NRXN3: variants seen among roughly 807,000 people sequenced by gnomAD.
NRXN3 encodes neurexin III.
NRXN3 carries 32 observed loss-of-function variants against 137.6 expected under a neutral mutation model. That is an observed-to-expected ratio of 0.23 (90% CI 0.18 to 0.31). The LOEUF (loss-of-function observed/expected upper bound fraction) is 0.31, where lower values mean the gene tolerates loss of function less well. NRXN3 is among the 10% of genes least tolerant of loss of function. The pLI, the probability that NRXN3 is intolerant of heterozygous loss-of-function variation, is 1.00. For synonymous variants in NRXN3, 798 were observed against 784.5 expected (o/e 1.02, Z -0.29); for missense variants, 1,574 against 2,062.5 (o/e 0.76, Z 4.59).
chr14:79,841,469 A>T (rs2099355717), intron 20 of NRXN3, among the ~76,000 whole-genome samples: 1 of 152,208 alleles, frequency 6.6e-6, no homozygotes, highest in South Asian at 2.1e-4. Context: ...AAGCAAAATA[A>T]ACCTTTTTGA....
intron 8 of NRXN3, 114 bp downstream of exon 8, chr14:78,715,253 G>A (rs1222164974): frequency 7.4e-7 from 1 of 1,355,216 alleles, no homozygotes; most frequent in Non-Finnish European, 9.9e-7. Context: ...TCTTCCAAGA[G>A]TTTTTGGGTT....
At chr14:78,286,031 C>T (rs1258136225) in intron 3 of NRXN3, among the ~76,000 whole-genome samples, 1 of 152,176 alleles carries the variant, frequency 6.6e-6, no homozygotes, top group Admixed American at 6.5e-5. Flanking sequence ...ATGCAGATCA[C>T]TGGGCCTTGG....
intron 13 of NRXN3, 34 bp downstream of exon 13, chr14:78,967,432 A>T (rs775624790): frequency 6.7e-7 from 1 of 1,503,160 alleles, no homozygotes; most frequent in Non-Finnish European, 9.2e-7. Flanking sequence ...TTTTTAATAG[A>T]GCTTTTCTTA....
At chr14:79,373,546 A>G (rs2094173839) in intron 15 of NRXN3, among the ~76,000 whole-genome samples, 1 of 152,172 alleles carries the variant, frequency 6.6e-6, no homozygotes, top group South Asian at 2.1e-4. Flanking sequence ...ATTTCTATTT[A>G]CCTACCAAGT....
chr14:78,456,281 G>T lies in NRXN3; in HGVS notation c.757+158421G>T, dbSNP rs1359440318. ...GAGGAAGTAAACCTTGTAAAGAAAA[G>T]TACAAAAAGCGGCTCAGGTTTGCTT... is the stretch of plus-strand genomic sequence containing the variant. On this transcript the variant is annotated intron_variant, in intron 4 of 20. Transcript: ENST00000335750. 2.6e-5 allele frequency among the ~76,000 whole-genome samples: 4 copies of T among 152,272 alleles called. No individual in the cohort carries two copies. In the South Asian group the frequency reaches 8.3e-4, roughly 32 times the overall value.
chr14:78,236,871 T>G (rs892288825), intron 1 of NRXN3, among the ~76,000 whole-genome samples: 1 of 152,184 alleles, frequency 6.6e-6, no homozygotes, highest in Non-Finnish European at 1.5e-5. Flanking sequence ...GAACTACTTT[T>G]ATATCTTTGA....
At chr14:79,305,417 A>G (rs1460664406) in intron 15 of NRXN3, among the ~76,000 whole-genome samples, 1 of 152,044 alleles carries the variant, frequency 6.6e-6, no homozygotes, top group Non-Finnish European at 1.5e-5. Context: ...TCCACAGCCA[A>G]TGTATCTTTG....
chr14:79,091,136 C>T (rs966195801), intron 15 of NRXN3, among the ~76,000 whole-genome samples: 3 of 151,042 alleles, frequency 2.0e-5, no homozygotes, highest in Admixed American at 6.6e-5. Flanking sequence ...CCCTCCTTTA[C>T]CCCTAAAACA....
chr14:79,026,128 C>G (rs2099597619), intron 15 of NRXN3, among the ~76,000 whole-genome samples: 1 of 152,078 alleles, frequency 6.6e-6, no homozygotes, highest in African/African-American at 2.4e-5. Flanking sequence ...AAAATGTGCT[C>G]AAGAACTGAT....
At chr14:79,019,971 G>A (rs1374371346) in intron 15 of NRXN3, among the ~76,000 whole-genome samples, 2 of 152,084 alleles carry the variant, frequency 1.3e-5, no homozygotes, top group Admixed American at 6.6e-5. Context: ...AAAAATTTAG[G>A]AGAGAGATAA....
rs574957555 is a variant in NRXN3, at chr14:79,484,860, G to A, written c.3444+17458G>A. Among the ~76,000 whole-genome samples, 32 of 152,168 alleles carry A rather than the reference G, an allele frequency of 2.1e-4. 2 individuals carry two copies. The South Asian group carries it at 6.2e-3, about 30-fold the overall frequency. ...TGGGGCCCACATATTCAGATCTTTC[G>A]TACATATAATTTGCTATATAGCATA... On this transcript the variant is annotated intron_variant, in intron 16 of 20. Transcript: ENST00000335750.
At chr14:78,171,411 T>C (rs1029090150) in intron 1 of NRXN3, among the ~76,000 whole-genome samples, 2 of 152,042 alleles carry the variant, frequency 1.3e-5, no homozygotes, top group Non-Finnish European at 2.9e-5. Context: ...CTTCCTCCAC[T>C]GCCTTCCATT....
intron 10 of NRXN3, among the ~76,000 whole-genome samples, chr14:78,818,084 A>G (rs952792771): frequency 6.6e-6 from 1 of 151,922 alleles, no homozygotes; most frequent in South Asian, 2.1e-4. Flanking sequence ...ATAGACTCAT[A>G]TAACTGTTTA....
chr14:78,516,442 C>A (rs1162100384), intron 4 of NRXN3, among the ~76,000 whole-genome samples: 1 of 150,432 alleles, frequency 6.6e-6, no homozygotes, highest in Non-Finnish European at 1.5e-5. Context: ...CAGGTGATCT[C>A]TGAGAAAAGT....
intron 15 of NRXN3, among the ~76,000 whole-genome samples, chr14:79,083,585 G>C (rs2047486610): frequency 6.6e-6 from 1 of 152,220 alleles, no homozygotes; most frequent in African/African-American, 2.4e-5. Context: ...CCAGGGAATA[G>C]AGACTACAAT....
intron 15 of NRXN3, among the ~76,000 whole-genome samples, chr14:79,214,371 T>C (rs1360859874): frequency 3.9e-5 from 6 of 152,206 alleles, no homozygotes; most frequent in Non-Finnish European, 7.3e-5. Context: ...AAGTGGTCTT[T>C]GTATCAGAAA....
In NRXN3 at chr14:78,438,304, G is replaced by C. The variant is rs1294269676; in HGVS notation, c.757+140444G>C. Among the ~76,000 whole-genome samples, 3 of 152,118 alleles carry C rather than the reference G, an allele frequency of 2.0e-5. No homozygotes were observed. The East Asian group carries it at 5.8e-4, about 29-fold the overall frequency. Reference sequence around the variant, plus strand: ...AGAATCATTAAGCAGCTGGAAATTTGGTTTTGAGTTCAAAAGAGGAATATA... The same window carrying C: ...AGAATCATTAAGCAGCTGGAAATTTCGTTTTGAGTTCAAAAGAGGAATATA... On this transcript the variant is annotated intron_variant, in intron 4 of 20. Coordinates refer to ENST00000335750, the MANE Select transcript of NRXN3 (RefSeq NM_001330195.2).
chr14:79,372,142 T>G (rs1308118507), intron 15 of NRXN3, among the ~76,000 whole-genome samples: 1 of 136,322 alleles, frequency 7.3e-6, no homozygotes, highest in African/African-American at 2.7e-5. Context: ...ACATAGAGAG[T>G]GTGTGAGAGA....
chr14:78,778,672 CTT>C (rs976357217), intron 8 of NRXN3, among the ~76,000 whole-genome samples: 1 of 139,604 alleles, frequency 7.2e-6, no homozygotes, highest in African/African-American at 2.6e-5. Flanking sequence ...TTTCTTTTCT[CTT>C]TTCTTTTCTT....
Sources: allele counts gnomAD v4.1 joint callset (sites outside exome capture counted in the v4.1 genomes callset), GRCh38; gene constraint gnomAD v4.1.1; transcripts MANE v1.5; gene names NCBI Gene and HGNC (gene_info 2026-07-23, HGNC 2026-07-21).